C2orf92: variants seen among roughly 807,000 people sequenced by gnomAD.
C2orf92 encodes the protein chromosome 2 open reading frame 92, also known as uncharacterized protein C2orf92.
chr2:97,665,025 T>G (rs900550432), upstream of C2orf92, among the ~76,000 whole-genome samples: 2 of 152,236 alleles, frequency 1.3e-5, no homozygotes, highest in Non-Finnish European at 2.9e-5. Context: ...TATTAAATCC[T>G]TGCAACAATA....
At chr2:97,683,115 A>ACACACACACACAC (rs1185190319) in intron 3 of C2orf92, among the ~76,000 whole-genome samples, 3 of 70,918 alleles carry the variant, frequency 4.2e-5, no homozygotes, top group African/African-American at 1.2e-4. Flanking sequence ...CACACACACA[A>ACACACACACACAC]ACATATTAAA....
At chr2:97,698,424 A>G (rs1324860017) in intron 5 of C2orf92, among the ~76,000 whole-genome samples, 1 of 152,152 alleles carries the variant, frequency 6.6e-6, no homozygotes, top group Non-Finnish European at 1.5e-5. Context: ...CTTTCTATTA[A>G]ACTATTCTGC....
upstream of C2orf92, among the ~76,000 whole-genome samples, chr2:97,666,351 CACGGTGAA>C (rs1675229320): frequency 6.6e-6 from 1 of 151,836 alleles, no homozygotes; most frequent in African/African-American, 2.4e-5. Context: ...TCCTGGCTAA[CACGGTGAA>C]ACCCTGTCTT....
chr2:97,673,534 C>T (rs6745653), intron 1 of C2orf92, among the ~76,000 whole-genome samples: 21,160 of 152,112 alleles, frequency 0.14, 2,458 homozygotes, highest in African/African-American at 0.31. Flanking sequence ...TGTCGGTGAA[C>T]AGGAGTGACC....
intron 3 of C2orf92, among the ~76,000 whole-genome samples, chr2:97,685,164 C>T (rs1472856080): frequency 6.6e-6 from 1 of 151,798 alleles, no homozygotes; most frequent in Non-Finnish European, 1.5e-5. Flanking sequence ...CTCCTGACCT[C>T]GTGATCCATC....
rs552647610 is a variant in C2orf92 at position 97,703,005 on chromosome 2, C to G, written c.*204C>G. On this transcript the variant is annotated 3_prime_UTR_variant, in exon 8 of 8. Transcript: ENST00000627399. ...GCAATATGGCACCGATGGCTGGCGT[C>G]GGTGAACCCGACAGACTATGGATTT... is the stretch of plus-strand genomic sequence containing the variant. 1 of 386,078 alleles carries G rather than the reference C, an allele frequency of 2.6e-6. No homozygotes were observed. The highest frequency in any genetic ancestry group is 4.5e-5 in the Admixed American group (1 of 22,312). 23.9% of individuals were successfully genotyped at this position (386,078 alleles called of 1,614,324 possible). A position where few individuals can be genotyped will look rare whatever the true frequency, so the allele number is the denominator to read the frequency against.
At chr2:97,681,491 G>A (rs754547384) in intron 3 of C2orf92, among the ~76,000 whole-genome samples, 1 of 152,302 alleles carries the variant, frequency 6.6e-6, no homozygotes, top group African/African-American at 2.4e-5. Context: ...CTTGAGATAA[G>A]TGCAAATTAA....
At chr2:97,688,311 A>G (rs929504237) in intron 3 of C2orf92, among the ~76,000 whole-genome samples, 1 of 152,122 alleles carries the variant, frequency 6.6e-6, no homozygotes, top group Non-Finnish European at 1.5e-5. Flanking sequence ...CGGAGAATAA[A>G]TATAGGATGA....
chr2:97,663,953 G>T, upstream of C2orf92: 1 of 898,798 alleles, frequency 1.1e-6, no homozygotes, highest in Non-Finnish European at 1.5e-6. Flanking sequence ...GGGCGGGCGG[G>T]CGGGAGGACC....
At chr2:97,668,605 T>G (rs1675308622), upstream of C2orf92, 1 of 152,252 alleles carries the variant, frequency 6.6e-6, no homozygotes, top group Non-Finnish European at 1.5e-5. Flanking sequence ...TCAGTCAGCA[T>G]CTACACAACA....
At chr2:97,676,917 A>C (rs1013559972) in intron 3 of C2orf92, among the ~76,000 whole-genome samples, 1 of 152,120 alleles carries the variant, frequency 6.6e-6, no homozygotes, top group Non-Finnish European at 1.5e-5. Flanking sequence ...CTAATTTACT[A>C]TTTGAGAAAA....
chr2:97,702,166 A>AGGT (rs1244146471), intron 7 of C2orf92: 1 of 152,290 alleles, frequency 6.6e-6, no homozygotes, highest in Admixed American at 6.5e-5. Context: ...AATGGGGTGG[A>AGGT]GGTGTGTGTT....
At chr2:97,666,202 C>T (rs1043433432), upstream of C2orf92, among the ~76,000 whole-genome samples, 1 of 151,754 alleles carries the variant, frequency 6.6e-6, no homozygotes, top group African/African-American at 2.4e-5. Flanking sequence ...CATCTTATGA[C>T]CATGGGTTGG....
At chr2:97,686,527 C>G (rs1301189114) in intron 3 of C2orf92, among the ~76,000 whole-genome samples, 1 of 152,056 alleles carries the variant, frequency 6.6e-6, no homozygotes, top group East Asian at 1.9e-4. Context: ...TCAAGCGATT[C>G]TCTTGCCTCA....
At chr2:97,698,304 C>T (rs898381599) in intron 5 of C2orf92, among the ~76,000 whole-genome samples, 4 of 152,200 alleles carry the variant, frequency 2.6e-5, no homozygotes, top group Admixed American at 2.6e-4. Flanking sequence ...TGCTGGCCTC[C>T]CGATTTTCTC....
chr2:97,667,266 TTA>T (rs1491420772), upstream of C2orf92, among the ~76,000 whole-genome samples: 5,282 of 83,554 alleles, frequency 0.063, 446 homozygotes, highest in African/African-American at 0.2. Context: ...GGTCTCTTTT[TTA>T]TTTTTTTTTT....
intron 3 of C2orf92, among the ~76,000 whole-genome samples, chr2:97,680,088 T>C (rs754083904): frequency 5.9e-5 from 9 of 151,926 alleles, no homozygotes; most frequent in Non-Finnish European, 1.0e-4. Context: ...TCACTTAAGC[T>C]CAGGAGTTCA....
At chr2:97,684,924 T>TTTTTTA (rs1675901156) in intron 3 of C2orf92, among the ~76,000 whole-genome samples, 1 of 135,512 alleles carries the variant, frequency 7.4e-6, no homozygotes. Flanking sequence ...ATGGATTTTA[T>TTTTTTA]TTTTTATTTT....
chr2:97,665,743 A>C (rs1315178207), upstream of C2orf92: 1,369 of 28,070 alleles, frequency 0.049, 4 homozygotes, highest in Non-Finnish European at 0.066. Flanking sequence ...CTCTCTATAT[A>C]TATATATATA....
Sources: allele counts gnomAD v4.1 joint callset (sites outside exome capture counted in the v4.1 genomes callset), GRCh38; gene constraint gnomAD v4.1.1; transcripts MANE v1.5; gene names NCBI Gene and HGNC (gene_info 2026-07-23, HGNC 2026-07-21).